The following ANPEP variants were observed in gnomAD, a reference collection of about 807,000 sequenced individuals.
ANPEP encodes aminopeptidase N.
Under a neutral mutation model 114.6 loss-of-function variants are expected in ANPEP, and 70 were observed. That is an observed-to-expected ratio of 0.61 (90% CI 0.50 to 0.75). The LOEUF is 0.75. Ranked by LOEUF, ANPEP falls within the 30% of genes least tolerant of loss-of-function variation. The probability of loss-of-function intolerance (pLI) is 0.00; values close to 1 mark genes in which losing one functional copy is unlikely to be tolerated. For synonymous variants in ANPEP, 548 were observed against 522.3 expected (o/e 1.05, Z -0.67); for missense variants, 1,184 against 1,259.5 (o/e 0.94, Z 0.91).
chr15:89,807,132 TG>T (rs1288635995), intron 1 of ANPEP, among the ~76,000 whole-genome samples: 6 of 152,340 alleles, frequency 3.9e-5, no homozygotes, highest in African/African-American at 1.4e-4. Flanking sequence ...CAGCCTCCCT[TG>T]CATTCTTCAA....
chr15:89,803,584 G>A lies in ANPEP; in HGVS notation c.1437+63C>T. 1.9e-6 allele frequency: 3 copies of A among 1,601,546 alleles called. No individual in the cohort carries two copies. Among genetic ancestry groups the A allele is most frequent in the African/African-American group, 1.3e-5 (1 of 74,888 alleles). ...CCTGTGCCCCCAGACCCTGCCTTCA[G>A]TGAGGCCCCTCCAGGCCAAGTCCCC... On this transcript the variant is annotated intron_variant, in intron 8 of 20. Transcript: ENST00000300060. This position sits in a 1 kb window ranked among gnomAD's most constrained non-coding sequence, Gnocchi z 4.2.
intron 18 of ANPEP, among the ~76,000 whole-genome samples, 166 bp downstream of exon 18, chr15:89,791,994 T>C (rs1968636363): frequency 6.6e-6 from 1 of 152,196 alleles, no homozygotes; most frequent in African/African-American, 2.4e-5. Context: ...CTTGTCTCTA[T>C]CACTTATTAA....
In ANPEP at chr15:89,803,413, T is replaced by A. The variant is rs745933593; in HGVS notation, c.1503+29A>T. 6.2e-7 allele frequency: 1 copy of A among 1,611,096 alleles called. No individual in the cohort carries two copies. Among genetic ancestry groups the A allele is most frequent in the Non-Finnish European group, 8.5e-7 (1 of 1,178,438 alleles). ...GCGAGGGGCAGAAGGAGACCCACCC[T>A]CATGGCTGGCCCAGGGTGCAGTACT... On this transcript the variant is annotated intron_variant, in intron 9 of 20. Transcript: ENST00000300060. This position sits in a 1 kb window ranked among gnomAD's most constrained non-coding sequence, Gnocchi z 4.2.
At chr15:89,789,893 C>A (rs1017047142) in intron 20 of ANPEP, among the ~76,000 whole-genome samples, 1 of 151,318 alleles carries the variant, frequency 6.6e-6, no homozygotes, top group East Asian at 1.9e-4. Context: ...CCCATCTCTA[C>A]TAAAAATACA....
intron 1 of ANPEP, among the ~76,000 whole-genome samples, chr15:89,814,480 C>A (rs71405668): frequency 6.6e-6 from 1 of 152,036 alleles, no homozygotes. Context: ...CCCAGGCTCC[C>A]GTCGCCCTCG....
chr15:89,804,919 T>C, intron 4 of ANPEP, 159 bp downstream of exon 4: 3 of 1,096,768 alleles, frequency 2.7e-6, no homozygotes, highest in East Asian at 2.4e-5. Context: ...GGTGCAGAAA[T>C]GGAGAACCAG....
chr15:89,792,577 A>T lies in ANPEP; in HGVS notation c.2250-15T>A. On this transcript the variant is annotated splice_polypyrimidine_tract_variant and intron_variant, in intron 16 of 20. Coordinates refer to ENST00000300060, the MANE Select transcript of ANPEP (RefSeq NM_001150.3). ...CCTCGCTGTACCTGCCCCAGGGGTGACACGCGGTTAGCACACCTGGCGAAC... is the reference window on the plus strand; with the variant it reads ...CCTCGCTGTACCTGCCCCAGGGGTGTCACGCGGTTAGCACACCTGGCGAAC... 6.2e-7 allele frequency: 1 copy of T among 1,609,648 alleles called. No individual in the cohort carries two copies. Among genetic ancestry groups the T allele is most frequent in the Non-Finnish European group, 8.5e-7 (1 of 1,176,096 alleles).
At chr15:89,786,717 G>T (rs1968513904) in intron 20 of ANPEP, among the ~76,000 whole-genome samples, 1 of 151,282 alleles carries the variant, frequency 6.6e-6, no homozygotes, top group Non-Finnish European at 1.5e-5. Flanking sequence ...CAAATTGGAG[G>T]ACTCACACTT....
chr15:89,800,937 C>T (rs996011618), intron 12 of ANPEP, among the ~76,000 whole-genome samples, 174 bp downstream of exon 12: 4 of 152,080 alleles, frequency 2.6e-5, no homozygotes, highest in South Asian at 2.1e-4. Flanking sequence ...GAGACCAGAG[C>T]GGGATGGTAA....
intron 20 of ANPEP, 99 bp downstream of exon 20, chr15:89,790,361 A>G (rs1596160304): frequency 9.2e-7 from 1 of 1,081,206 alleles, no homozygotes. Flanking sequence ...GGCGGCGTGG[A>G]GCCTGTGCTC....
chr15:89,798,462 C>A (rs1968770892), intron 14 of ANPEP, among the ~76,000 whole-genome samples: 1 of 152,068 alleles, frequency 6.6e-6, no homozygotes, highest in South Asian at 2.1e-4. Flanking sequence ...CATGGTGAAA[C>A]CCCATCTGTA....
chr15:89,806,008 G>A lies in ANPEP; in HGVS notation c.576C>T (p.Gly192=), dbSNP rs1379048129. 1.2e-6 allele frequency: 2 copies of A among 1,606,930 alleles called. No individual in the cohort carries two copies. Among genetic ancestry groups the A allele is most frequent in the African/African-American group, 1.3e-5 (1 of 74,776 alleles). Residue 192 remains glycine (G), a synonymous_variant, in exon 2 of 21, where the codon GGC becomes GGT. Coordinates refer to ENST00000300060, the MANE Select transcript of ANPEP (RefSeq NM_001150.3). The surrounding 1 kb of genome is among the most constrained non-coding windows in gnomAD (Gnocchi z 5.7). ...FEGELADDLA[G]FYRSEYMEGN... is the part of the protein sequence containing the mutation. ...CCTCCATGTACTCGCTGCGGTAGAA[G>A]CCCGCCAGGTCATCTGCCAACTCCC...
At chr15:89,800,320 TG>T (rs1894561790) in intron 12 of ANPEP, among the ~76,000 whole-genome samples, 12 of 152,082 alleles carry the variant, frequency 7.9e-5, no homozygotes, top group African/African-American at 1.9e-4. Flanking sequence ...TCCATGAACT[TG>T]AATCTCCCTT....
chr15:89,806,840 G>A lies in ANPEP; in HGVS notation c.-223-34C>T. The stretch of plus-strand genomic sequence containing the variant: ...AGCAAACAGTGTCTGGTTACAGGCT[G>A]CAGGCGGCCTGGGATCAGGCCCGAG... On this transcript the variant is annotated intron_variant, in intron 1 of 20. Transcript: ENST00000300060. This position sits in a 1 kb window ranked among gnomAD's most constrained non-coding sequence, Gnocchi z 5.7. 1 of 507,520 alleles carries A rather than the reference G, an allele frequency of 2.0e-6. No individual in the cohort carries two copies. Among genetic ancestry groups the A allele is most frequent in the Non-Finnish European group, 3.4e-6 (1 of 292,644 alleles). The allele number at this position is 507,520 out of a possible 1,614,324, so 31.4% of individuals were successfully genotyped here. A position where few individuals can be genotyped will look rare whatever the true frequency, so the allele number is the denominator to read the frequency against.
chr15:89,785,608 A>G (rs2141782311), intron 20 of ANPEP, 107 bp from the exon 21 acceptor site: 1 of 1,479,504 alleles, frequency 6.8e-7, no homozygotes, highest in South Asian at 1.2e-5. Flanking sequence ...GTCCCCATGG[A>G]TGGGACCACA....
Position 89,806,260 on chromosome 15 carries a change from G to C in ANPEP, c.324C>G (p.Thr108=), listed in dbSNP as rs572129400. The C allele has an allele frequency of 2.5e-6, 4 of 1,614,118 alleles. No individual in the cohort carries two copies. The highest frequency in any genetic ancestry group is 2.2e-5 in the South Asian group (2 of 91,078). ...RGLYVFKGSS[T]VRFTCKEATD... ...TGGCCTCCTTGCAGGTGAAACGGACGGTGCTGGAGCCCTTAAAAACGTACA... is the reference window on the plus strand; with the variant it reads ...TGGCCTCCTTGCAGGTGAAACGGACCGTGCTGGAGCCCTTAAAAACGTACA... Residue 108 remains threonine (T), a synonymous_variant, in exon 2 of 21, where the codon ACC becomes ACG. Coordinates refer to ENST00000300060, the MANE Select transcript of ANPEP (RefSeq NM_001150.3). The surrounding 1 kb of genome is among the most constrained non-coding windows in gnomAD (Gnocchi z 5.7).
chr15:89,806,604 T>G lies in ANPEP; in HGVS notation c.-21A>C. The G allele has an allele frequency of 6.4e-7, 1 of 1,552,010 alleles. No homozygotes were observed. Among genetic ancestry groups the G allele is most frequent in the Non-Finnish European group, 8.7e-7 (1 of 1,146,720 alleles). On this transcript the variant is annotated 5_prime_UTR_variant, in exon 2 of 21. Coordinates refer to ENST00000300060, the MANE Select transcript of ANPEP (RefSeq NM_001150.3). This position sits in a 1 kb window ranked among gnomAD's most constrained non-coding sequence, Gnocchi z 5.7. ...GCCATGGTGATGGTGGGGAGGCGGC[T>G]CAGGGAGCCTCAGGCCAGGCAGAGA...
chr15:89,797,498 GT>G, intron 15 of ANPEP, 76 bp downstream of exon 15: 2 of 1,517,368 alleles, frequency 1.3e-6, no homozygotes, highest in Non-Finnish European at 1.8e-6. Context: ...GTAGGCAATA[GT>G]CTATTAACTT....
chr15:89,788,028 G>C (rs191330816), intron 20 of ANPEP, among the ~76,000 whole-genome samples: 5 of 152,306 alleles, frequency 3.3e-5, no homozygotes. Context: ...GTGATACACT[G>C]CTAATAGGAA....
Sources: gnomAD v4.1 joint callset for allele counts (sites outside exome capture counted in the v4.1 genomes callset) on GRCh38, gnomAD v4.1.1 for gene constraint, Gnocchi (gnomAD v3.1) non-coding constraint, MANE v1.5 for transcripts, NCBI Gene and HGNC (gene_info 2026-07-23, HGNC 2026-07-21) for gene names.